AGAP1: variants seen among roughly 807,000 people sequenced by gnomAD.
AGAP1 encodes the protein arf-GAP with GTPase, ANK repeat and PH domain-containing protein 1.
In AGAP1, 29 loss-of-function variants were observed where a neutral mutation model predicts 105.3. That is an observed-to-expected ratio of 0.28 (90% CI 0.21 to 0.38). The LOEUF (loss-of-function observed/expected upper bound fraction) is 0.38, where lower values mean the gene tolerates loss of function less well. AGAP1 is among the 10% of genes least tolerant of loss of function. AGAP1 has a pLI of 1.00. For missense variants in AGAP1, 998 were observed against 1,165.1 expected, an observed-to-expected ratio of 0.86 and a Z score of 2.09; for synonymous variants, 509 against 485.9, an observed-to-expected ratio of 1.05 and a Z score of -0.63.
At position 235,620,272 on chromosome 2, in the gene AGAP1, G is replaced by A. The variant is rs189231730; in HGVS notation, c.164-88907G>A. Among the ~76,000 whole-genome samples, 6 of 152,168 alleles carry A rather than the reference G, an allele frequency of 3.9e-5. No individual in the cohort carries two copies. Among genetic ancestry groups the A allele is most frequent in the East Asian group, 1.9e-4 (1 of 5,182 alleles). ...TAGCACCCTGGTCCCGGGCAGCAGC[G>A]TTGCTTGGCGGATTACTGCTCACCT... On this transcript the variant is annotated intron_variant, in intron 1 of 17. Transcript: ENST00000304032. This position sits in a 1 kb window ranked among gnomAD's most constrained non-coding sequence, Gnocchi z 4.5.
chr2:235,639,794 A>G lies in AGAP1; in HGVS notation c.164-69385A>G, dbSNP rs1947130035. Among the ~76,000 whole-genome samples the G allele has an allele frequency of 6.6e-6, 1 of 152,056 alleles. No homozygotes were observed. On this transcript the variant is annotated intron_variant, in intron 1 of 17. Coordinates refer to ENST00000304032, the MANE Select transcript of AGAP1 (RefSeq NM_001037131.3). The surrounding 1 kb of genome is among the most constrained non-coding windows in gnomAD (Gnocchi z 5.3). ...AGTTTTGCTTCTCAGGCTCTGAAAA[A>G]CACTTTTAAGAGCAGGTTAAACTGT...
chr2:235,791,728 A>G (rs1956988535), intron 6 of AGAP1, among the ~76,000 whole-genome samples: 1 of 152,048 alleles, frequency 6.6e-6, no homozygotes, highest in African/African-American at 2.4e-5. Context: ...TTGTATTTTT[A>G]GTAGAGACAA....
rs1026359793 is a variant in AGAP1 at position 236,113,090 on chromosome 2, G to A, written c.2115-7102G>A. ...TTTTTCCCACGATTTCCCAAAATAC[G>A]GCCACCACTCTGCCGTCACGTGTGC... On this transcript the variant is annotated intron_variant, in intron 16 of 17. Transcript: ENST00000304032. The surrounding 1 kb of genome is among the most constrained non-coding windows in gnomAD (Gnocchi z 4.3). Among the ~76,000 whole-genome samples, 5 of 152,072 alleles carry A rather than the reference G, an allele frequency of 3.3e-5. No homozygotes were observed. Among genetic ancestry groups the A allele is most frequent in the East Asian group, 1.9e-4 (1 of 5,182 alleles).
At position 236,002,415 on chromosome 2, in the gene AGAP1, A is replaced by G. The variant is rs545584466; in HGVS notation, c.1645+33792A>G. ...CACTCTCTTCCAAGTATCTGATTGC[A>G]CGCATGTGCACATGTGTGAGTAGGG... On this transcript the variant is annotated intron_variant, in intron 13 of 17. Coordinates refer to ENST00000304032, the MANE Select transcript of AGAP1 (RefSeq NM_001037131.3). The surrounding 1 kb of genome is among the most constrained non-coding windows in gnomAD (Gnocchi z 4.3). Among the ~76,000 whole-genome samples the G allele has an allele frequency of 2.0e-5, 3 of 152,246 alleles. No homozygotes were observed. The highest frequency in any genetic ancestry group is 3.4e-3 in the Middle Eastern group (1 of 294).
chr2:235,773,225 T>C (rs1467280404), intron 6 of AGAP1, among the ~76,000 whole-genome samples: 2 of 152,162 alleles, frequency 1.3e-5, no homozygotes, highest in African/African-American at 4.8e-5. Flanking sequence ...GGCCATTTGG[T>C]GTACACCCCA....
At chr2:235,646,257 T>C (rs1947380329) in intron 1 of AGAP1, among the ~76,000 whole-genome samples, 1 of 125,160 alleles carries the variant, frequency 8.0e-6, no homozygotes, top group African/African-American at 3.1e-5. Flanking sequence ...GCAACAGATC[T>C]AGACTCTGTC....
chr2:235,956,165 G>A (rs911464338), intron 12 of AGAP1, among the ~76,000 whole-genome samples: 1 of 152,152 alleles, frequency 6.6e-6, no homozygotes, highest in African/African-American at 2.4e-5. Context: ...AATGGTAGTG[G>A]CTGATTATGT....
chr2:235,513,254 C>T (rs1432720550), intron 1 of AGAP1, among the ~76,000 whole-genome samples: 1 of 58,366 alleles, frequency 1.7e-5, no homozygotes, highest in Non-Finnish European at 3.6e-5. Context: ...GCGCGGGTGG[C>T]TCATGCCTGT....
rs950621489 is a variant in AGAP1 at position 235,729,205 on chromosome 2, C to T, written c.310+11561C>T. Reference sequence around the variant, plus strand: ...GCTGGAACCCATCACCATGAAGCCCCCTGCACTAACTAGGGCGTGTGCCCC... The same window carrying T: ...GCTGGAACCCATCACCATGAAGCCCTCTGCACTAACTAGGGCGTGTGCCCC... On this transcript the variant is annotated intron_variant, in intron 3 of 17. Transcript: ENST00000304032. This position sits in a 1 kb window ranked among gnomAD's most constrained non-coding sequence, Gnocchi z 5.0. Among the ~76,000 whole-genome samples the T allele has an allele frequency of 6.6e-6, 1 of 152,154 alleles. No homozygotes were observed. Among genetic ancestry groups the T allele is most frequent in the African/African-American group, 2.4e-5 (1 of 41,384 alleles).
At chr2:235,895,033 G>T (rs2050737618) in intron 10 of AGAP1, among the ~76,000 whole-genome samples, 1 of 152,168 alleles carries the variant, frequency 6.6e-6, no homozygotes, top group Admixed American at 6.5e-5. Context: ...TTCCTCCTGG[G>T]AATTCATCCA....
At position 235,747,970 on chromosome 2, in the gene AGAP1, C is replaced by A. The variant is rs2149697497; in HGVS notation, c.539-2384C>A. ...GGAGGGGCAGCTCTGCCAGCAGGAG[C>A]TCTTTCTGGGCAGTAGCCAAGGACT... On this transcript the variant is annotated intron_variant, in intron 5 of 17. Transcript: ENST00000304032. This position sits in a 1 kb window ranked among gnomAD's most constrained non-coding sequence, Gnocchi z 5.0. Among the ~76,000 whole-genome samples, 1 of 152,366 alleles carries A rather than the reference C, an allele frequency of 6.6e-6. No individual in the cohort carries two copies. The highest frequency in any genetic ancestry group is 1.9e-4 in the East Asian group (1 of 5,188).
At chr2:236,084,046 A>T (rs1441584923) in intron 16 of AGAP1, among the ~76,000 whole-genome samples, 1 of 152,184 alleles carries the variant, frequency 6.6e-6, no homozygotes, top group Non-Finnish European at 1.5e-5. Flanking sequence ...AGACTCACAA[A>T]GTCTGGAGGA....
intron 1 of AGAP1, among the ~76,000 whole-genome samples, chr2:235,654,249 G>T (rs902375537): frequency 6.6e-6 from 1 of 152,188 alleles, no homozygotes; most frequent in Non-Finnish European, 1.5e-5. Flanking sequence ...TTAGTGTAGC[G>T]TGGGTGTTTG....
intron 6 of AGAP1, among the ~76,000 whole-genome samples, chr2:235,771,751 C>G (rs372595181): frequency 1.3e-5 from 2 of 152,260 alleles, no homozygotes; most frequent in East Asian, 3.9e-4. Flanking sequence ...CTTACCTCCC[C>G]CTCTTCCCAG....
intron 1 of AGAP1, among the ~76,000 whole-genome samples, chr2:235,644,080 G>A (rs949214736): frequency 4.6e-5 from 7 of 152,186 alleles, no homozygotes; most frequent in Non-Finnish European, 8.8e-5. Flanking sequence ...CAGCCTTCAC[G>A]TTCTGGAAGC....
At chr2:236,030,213 A>G (rs750825777) in intron 13 of AGAP1, among the ~76,000 whole-genome samples, 11 of 152,132 alleles carry the variant, frequency 7.2e-5, no homozygotes, top group Non-Finnish European at 1.2e-4. Context: ...GGGTCTCACC[A>G]TGTTGACCAG....
chr2:235,942,145 C>G (rs950953721), intron 12 of AGAP1, among the ~76,000 whole-genome samples: 1 of 152,174 alleles, frequency 6.6e-6, no homozygotes, highest in African/African-American at 2.4e-5. Flanking sequence ...AAAGATCCCT[C>G]TTGAGTCAGC....
Position 235,662,541 on chromosome 2 carries a change from C to A in AGAP1, c.164-46638C>A, listed in dbSNP as rs528603231. The stretch of plus-strand genomic sequence containing the variant: ...GATTTTTTTTTTTTTTTTTTTGGCT[C>A]TGTTGCCCAGGCTGGATTGCAGTGG... On this transcript the variant is annotated intron_variant, in intron 1 of 17. Coordinates refer to ENST00000304032, the MANE Select transcript of AGAP1 (RefSeq NM_001037131.3). The surrounding 1 kb of genome is among the most constrained non-coding windows in gnomAD (Gnocchi z 4.2). Among the ~76,000 whole-genome samples the A allele has an allele frequency of 1.5e-5, 2 of 134,468 alleles. No homozygotes were observed. Among genetic ancestry groups the A allele is most frequent in the African/African-American group, 5.6e-5 (2 of 35,692 alleles). The allele number at this position is 134,468 out of a possible 152,430, so 88.2% of individuals were successfully genotyped here.
At position 235,866,643 on chromosome 2, in the gene AGAP1, C is replaced by CA. The variant is rs763976287; in HGVS notation, c.1051-16701dup. Among the ~76,000 whole-genome samples, 2 of 152,202 alleles carry CA rather than the reference C, an allele frequency of 1.3e-5. No homozygotes were observed. Among genetic ancestry groups the CA allele is most frequent in the Non-Finnish European group, 2.9e-5 (2 of 68,028 alleles). ...GTGTGTGTGAGTCAGCTCAAACTGC[C>CA]ATAACAGAAGACCACAGACTTTGTC... On this transcript the variant is annotated intron_variant, in intron 9 of 17. Transcript: ENST00000304032. The surrounding 1 kb of genome is among the most constrained non-coding windows in gnomAD (Gnocchi z 6.1).
Sources: allele counts gnomAD v4.1 joint callset (sites outside exome capture counted in the v4.1 genomes callset), GRCh38; gene constraint gnomAD v4.1.1; non-coding constraint Gnocchi (gnomAD v3.1); transcripts MANE v1.5; gene names NCBI Gene and HGNC (gene_info 2026-07-23, HGNC 2026-07-21).